Variants in KIAA0319 observed in about 807,000 individuals in gnomAD.
KIAA0319 encodes dyslexia-associated protein KIAA0319.
KIAA0319 carries 83 observed loss-of-function variants against 108.4 expected under a neutral mutation model. That is an observed-to-expected ratio of 0.77 (90% confidence interval 0.64 to 0.92). The LOEUF is 0.92. KIAA0319 is among the 40% of genes least tolerant of loss of function. KIAA0319 has a pLI of 0.00. For synonymous variants in KIAA0319, 484 were observed against 510.4 expected, an observed-to-expected ratio of 0.95 and a Z score of 0.70; for missense variants, 1,195 against 1,322.4, an observed-to-expected ratio of 0.90 and a Z score of 1.49.
intron 4 of KIAA0319, 69 bp downstream of exon 4, chr6:24,588,524 A>G (rs1767912624): frequency 7.3e-7 from 1 of 1,377,326 alleles, no homozygotes; most frequent in South Asian, 1.2e-5. Context: ...AAACTTTAAA[A>G]GTTGTCACCA....
At chr6:24,638,174 G>T (rs1776445541) in intron 1 of KIAA0319, among the ~76,000 whole-genome samples, 1 of 152,100 alleles carries the variant, frequency 6.6e-6, no homozygotes, top group African/African-American at 2.4e-5. Flanking sequence ...GTTTGAAGTG[G>T]TAAAAGAAAT....
At chr6:24,555,496 C>CAAAAAAA (rs34005198) in intron 18 of KIAA0319, among the ~76,000 whole-genome samples, 2 of 80,890 alleles carry the variant, frequency 2.5e-5, no homozygotes, top group Admixed American at 1.6e-4. Flanking sequence ...GACTCCATCT[C>CAAAAAAA]AAAAAAAAAA....
chr6:24,620,089 A>G (rs1048572336), intron 1 of KIAA0319, among the ~76,000 whole-genome samples: 2 of 152,208 alleles, frequency 1.3e-5, no homozygotes, highest in Admixed American at 1.3e-4. Flanking sequence ...TTTTGCCAAT[A>G]TTGGTCGGGA....
At chr6:24,549,494 C>T (rs1761145687) in intron 20 of KIAA0319, among the ~76,000 whole-genome samples, 1 of 152,072 alleles carries the variant, frequency 6.6e-6, no homozygotes, top group Non-Finnish European at 1.5e-5. Flanking sequence ...TCATAAGCCT[C>T]CTCTTCTGTG....
At chr6:24,550,835 T>C (rs1009316933) in intron 20 of KIAA0319, among the ~76,000 whole-genome samples, 3 of 152,114 alleles carry the variant, frequency 2.0e-5, no homozygotes, top group African/African-American at 4.8e-5. Context: ...TGGTCATTGG[T>C]AGGTGCCCAG....
At chr6:24,594,019 T>C (rs1768971934) in intron 3 of KIAA0319, among the ~76,000 whole-genome samples, 1 of 148,420 alleles carries the variant, frequency 6.7e-6, no homozygotes. Context: ...ACCAATATGG[T>C]GAAACCCCAT....
chr6:24,594,491 G>A (rs1187734926), intron 3 of KIAA0319, among the ~76,000 whole-genome samples: 1 of 151,518 alleles, frequency 6.6e-6, no homozygotes, highest in Non-Finnish European at 1.5e-5. Context: ...GCCGGGCATG[G>A]TGGTGCACAC....
chr6:24,596,534 C>T lies in KIAA0319; in HGVS notation c.140G>A (p.Arg47Gln), dbSNP rs146425524. The change falls in exon 3 of 21, where the codon CGG becomes CAG. Residue 47 changes from arginine (R) to glutamine (Q), a missense_variant. Transcript: ENST00000378214. ...SPNLETTRIMRVSHTFPVVDC... is the reference protein window; with the variant it reads ...SPNLETTRIMQVSHTFPVVDC... ...TACGACAGGGAAGGTGTGAGACACC[C>T]GCATGATTCTGGTGGTTTCCAAGTT... The T allele has an allele frequency of 7.5e-5, 121 of 1,613,868 alleles. 1 individual carries two copies. The highest frequency in any genetic ancestry group is 1.6e-4 in the Middle Eastern group (1 of 6,082).
intron 6 of KIAA0319, among the ~76,000 whole-genome samples, chr6:24,581,935 G>C (rs1292480331): frequency 1.3e-5 from 2 of 152,184 alleles, no homozygotes; most frequent in Non-Finnish European, 2.9e-5. Flanking sequence ...CTTGAGGTCA[G>C]GAATTCAAAA....
chr6:24,634,151 C>A (rs4712835), intron 1 of KIAA0319, among the ~76,000 whole-genome samples: 107,226 of 152,074 alleles, frequency 0.71, 38,373 homozygotes, highest in East Asian at 0.87. Flanking sequence ...TCATGAAGGA[C>A]TGAAAGCGCT....
rs557029369 is a variant in KIAA0319 at position 24,559,880 on chromosome 6, C to T, written c.2592-725G>A. 5.3e-5 allele frequency among the ~76,000 whole-genome samples: 8 copies of T among 152,292 alleles called. No homozygotes were observed. The South Asian group carries it at 1.7e-3, about 32-fold the overall frequency. ...CATTAGCACCTCCTCCCCACAGTCCCGGGCAACCACTAATCTGCTTTTGGT... is the reference window on the plus strand; with the variant it reads ...CATTAGCACCTCCTCCCCACAGTCCTGGGCAACCACTAATCTGCTTTTGGT... On this transcript the variant is annotated intron_variant, in intron 16 of 20. Coordinates refer to ENST00000378214, the MANE Select transcript of KIAA0319 (RefSeq NM_014809.4).
chr6:24,587,202 A>G (rs1368635000), intron 4 of KIAA0319, among the ~76,000 whole-genome samples: 2 of 151,286 alleles, frequency 1.3e-5, no homozygotes, highest in Admixed American at 6.6e-5. Flanking sequence ...CCTTCCCTCC[A>G]TCTCTGCAAC....
chr6:24,608,804 A>G (rs902383915), intron 1 of KIAA0319, among the ~76,000 whole-genome samples: 11 of 151,656 alleles, frequency 7.3e-5, no homozygotes, highest in East Asian at 1.9e-4. Context: ...GGTGGCAGGC[A>G]CCTGTAGTCC....
intron 1 of KIAA0319, among the ~76,000 whole-genome samples, chr6:24,628,068 C>G (rs1158715982): frequency 6.6e-6 from 1 of 152,134 alleles, no homozygotes; most frequent in Non-Finnish European, 1.5e-5. Context: ...TTCAAGCACA[C>G]GTAGTGCTGG....
At chr6:24,614,997 C>T (rs1357853360) in intron 1 of KIAA0319, among the ~76,000 whole-genome samples, 3 of 152,038 alleles carry the variant, frequency 2.0e-5, no homozygotes, top group Admixed American at 6.6e-5. Context: ...ATAGTAAGAG[C>T]TCAAAATTTA....
intron 8 of KIAA0319, among the ~76,000 whole-genome samples, 192 bp downstream of exon 8, chr6:24,579,666 G>T (rs2760155): frequency 5.3e-5 from 8 of 151,262 alleles, no homozygotes; most frequent in African/African-American, 1.9e-4. Context: ...TAGAATAGAC[G>T]AAAGGTGAAG....
chr6:24,569,802 C>G (rs1764423480), intron 12 of KIAA0319, 101 bp downstream of exon 12: 2 of 1,430,758 alleles, frequency 1.4e-6, no homozygotes, highest in Non-Finnish European at 1.9e-6. Flanking sequence ...CCCGACTCCT[C>G]AAAATGCGCA....
intron 2 of KIAA0319, 99 bp downstream of exon 2, chr6:24,600,950 C>A: frequency 6.7e-7 from 1 of 1,497,062 alleles, no homozygotes; most frequent in Non-Finnish European, 9.3e-7. Context: ...TATTGAAAAG[C>A]AAACCAACAG....
At chr6:24,556,159 C>G (rs529884823) in intron 18 of KIAA0319, among the ~76,000 whole-genome samples, 1 of 148,118 alleles carries the variant, frequency 6.8e-6, no homozygotes, top group Admixed American at 6.7e-5. Flanking sequence ...TTCCCTCTTT[C>G]CCTCCCTTCC....
Sources: allele counts gnomAD v4.1 joint callset (sites outside exome capture counted in the v4.1 genomes callset), GRCh38; gene constraint gnomAD v4.1.1; transcripts MANE v1.5; gene names NCBI Gene and HGNC (gene_info 2026-07-23, HGNC 2026-07-21).